PALLD: variants seen among roughly 807,000 people sequenced by gnomAD.
PALLD encodes the protein palladin.
PALLD carries 61 observed loss-of-function variants against 123.5 expected under a neutral mutation model. The observed-to-expected ratio is 0.49, with a 90% confidence interval of 0.40 to 0.61. The LOEUF (loss-of-function observed/expected upper bound fraction) is 0.61. PALLD is among the 20% of genes least tolerant of loss of function. The pLI is 0.00. For synonymous variants in PALLD, 465 were observed against 496.4 expected (o/e 0.94, Z 0.84); for missense variants, 1,273 against 1,377.0 (o/e 0.92, Z 1.20).
intron 10 of PALLD, among the ~76,000 whole-genome samples, chr4:168,815,921 C>A (rs1741845150): frequency 6.6e-6 from 1 of 152,318 alleles, no homozygotes; most frequent in African/African-American, 2.4e-5. Context: ...AAATCGCTCA[C>A]TCTTAATTTT....
intron 10 of PALLD, among the ~76,000 whole-genome samples, chr4:168,885,700 A>T (rs1470684568): frequency 1.3e-5 from 2 of 152,206 alleles, no homozygotes; most frequent in East Asian, 3.8e-4. Context: ...GGCTGGACAC[A>T]TTCATTTTAG....
chr4:168,907,220 C>T (rs571319251), intron 15 of PALLD, among the ~76,000 whole-genome samples: 3 of 152,286 alleles, frequency 2.0e-5, no homozygotes, highest in South Asian at 4.1e-4. Flanking sequence ...TAGTTACTGT[C>T]ATTATTTTAA....
intron 10 of PALLD, among the ~76,000 whole-genome samples, chr4:168,739,278 T>C (rs1272459321): frequency 1.3e-5 from 2 of 152,234 alleles, no homozygotes; most frequent in Non-Finnish European, 2.9e-5. Context: ...TTTGGATCAG[T>C]ACCCGGTGGT....
chr4:168,528,315 T>A (rs368031720), intron 2 of PALLD, among the ~76,000 whole-genome samples: 11 of 152,254 alleles, frequency 7.2e-5, no homozygotes, highest in African/African-American at 2.4e-4. Flanking sequence ...TCCCTATTAT[T>A]TCTCGCTGTT....
intron 15 of PALLD, among the ~76,000 whole-genome samples, chr4:168,912,487 C>CA (rs1403982090): frequency 6.6e-6 from 1 of 152,164 alleles, no homozygotes; most frequent in Non-Finnish European, 1.5e-5. Flanking sequence ...AGGGCTGAAA[C>CA]AAAAACCAAA....
rs1324097537 is a variant in PALLD, at chr4:168,737,931, C to T, written c.1964+26008C>T. 2.0e-5 allele frequency among the ~76,000 whole-genome samples: 3 copies of T among 152,340 alleles called. No homozygotes were observed. In the East Asian group the frequency reaches 5.8e-4, roughly 29 times the overall value. On this transcript the variant is annotated intron_variant, in intron 10 of 21. Transcript: ENST00000505667. ...CGCATAGCATGCTGACCAGAGACAG[C>T]AGCAGCTGTGAGGCTCATCTGTTTC...
At chr4:168,564,155 T>C (rs1006408148) in intron 2 of PALLD, among the ~76,000 whole-genome samples, 2 of 152,200 alleles carry the variant, frequency 1.3e-5, no homozygotes, top group African/African-American at 4.8e-5. Context: ...AGTATCCAAA[T>C]GTGACTCACA....
chr4:168,653,215 T>G (rs944610878), intron 2 of PALLD, among the ~76,000 whole-genome samples: 4 of 152,190 alleles, frequency 2.6e-5, no homozygotes, highest in Non-Finnish European at 5.9e-5. Flanking sequence ...TCCTTCAACA[T>G]AGACCTAACA....
At chr4:168,602,077 T>C (rs1035364905) in intron 2 of PALLD, among the ~76,000 whole-genome samples, 9 of 152,290 alleles carry the variant, frequency 5.9e-5, no homozygotes, top group Admixed American at 2.0e-4. Context: ...TCTGCAGATA[T>C]TAATGTTTGA....
intron 10 of PALLD, among the ~76,000 whole-genome samples, chr4:168,718,319 A>T (rs1350441376): frequency 1.3e-5 from 2 of 152,244 alleles, no homozygotes; most frequent in Non-Finnish European, 2.9e-5. Context: ...CAAAAAGGAC[A>T]AAGACAAGGT....
At chr4:168,908,599 C>T (rs563924018) in intron 15 of PALLD, among the ~76,000 whole-genome samples, 3 of 152,144 alleles carry the variant, frequency 2.0e-5, no homozygotes, top group South Asian at 4.1e-4. Context: ...TTCCTTAATG[C>T]CCTTTAGTTA....
intron 2 of PALLD, among the ~76,000 whole-genome samples, chr4:168,636,031 T>G (rs1776314954): frequency 6.6e-6 from 1 of 152,218 alleles, no homozygotes; most frequent in South Asian, 2.1e-4. Context: ...GATCATTTCC[T>G]TCCCAAATAT....
intron 2 of PALLD, among the ~76,000 whole-genome samples, chr4:168,641,411 G>T (rs1184637286): frequency 6.6e-6 from 1 of 151,982 alleles, no homozygotes; most frequent in Non-Finnish European, 1.5e-5. Flanking sequence ...ATCTACCTTT[G>T]CCCTGGGATA....
chr4:168,900,203 T>C (rs1475700705), intron 14 of PALLD, among the ~76,000 whole-genome samples: 1 of 152,204 alleles, frequency 6.6e-6, no homozygotes, highest in East Asian at 1.9e-4. Context: ...ATCCACCCCA[T>C]GATCCCGTCA....
At chr4:168,894,276 A>T in intron 11 of PALLD, 3 of 384,890 alleles carry the variant, frequency 7.8e-6, no homozygotes, top group Non-Finnish European at 1.4e-5. Flanking sequence ...CTTTTTTTCC[A>T]TGTTTTTCAT....
At chr4:168,684,130 A>C (rs1198841894) in intron 5 of PALLD, among the ~76,000 whole-genome samples, 2 of 152,200 alleles carry the variant, frequency 1.3e-5, no homozygotes, top group Non-Finnish European at 2.9e-5. Flanking sequence ...GGTGCTAGGC[A>C]TTTCATGACA....
intron 10 of PALLD, among the ~76,000 whole-genome samples, chr4:168,735,782 C>T (rs1162496023): frequency 6.6e-6 from 1 of 152,032 alleles, no homozygotes. Context: ...GGGTTTTCGT[C>T]TTTGATGATT....
chr4:168,867,906 G>GAA (rs531178016), intron 10 of PALLD, among the ~76,000 whole-genome samples: 4 of 110,200 alleles, frequency 3.6e-5, no homozygotes, highest in African/African-American at 1.3e-4. Flanking sequence ...TAAGTGAAGA[G>GAA]AAAAAAAAAA....
At chr4:168,682,678 T>C (rs1781662176) in intron 4 of PALLD, among the ~76,000 whole-genome samples, 1 of 152,186 alleles carries the variant, frequency 6.6e-6, no homozygotes, top group South Asian at 2.1e-4. Context: ...TCTCTTAGGA[T>C]TTTCAAGTTT....
Sources: allele counts gnomAD v4.1 joint callset (sites outside exome capture counted in the v4.1 genomes callset), GRCh38; gene constraint gnomAD v4.1.1; transcripts MANE v1.5; gene names NCBI Gene and HGNC (gene_info 2026-07-23, HGNC 2026-07-21).